The following OR2L13 variants were observed in gnomAD, a reference collection of about 807,000 sequenced individuals.
OR2L13 encodes olfactory receptor family 2 subfamily L member 13, also known as olfactory receptor 2L13.
In OR2L13, 14 loss-of-function variants were observed where a neutral mutation model predicts 15.3. The ratio of observed to expected loss-of-function variants is 0.91; its 90% CI spans 0.60 to 1.43. The LOEUF is 1.43. OR2L13 is among the 40% of genes most tolerant of loss of function. OR2L13 has a pLI of 0.00. For synonymous variants in OR2L13, 152 were observed against 142.9 expected (o/e 1.06, Z -0.45); for missense variants, 367 against 387.9 (o/e 0.95, Z 0.45).
the OR2L13 span, among the ~76,000 whole-genome samples, chr1:248,054,050 G>C: frequency 6.6e-6 from 1 of 152,136 alleles, no homozygotes; most frequent in Non-Finnish European, 1.5e-5. Flanking sequence ...CTTCCTGAAT[G>C]ATATTGCCTA....
At chr1:247,995,537 G>A in the OR2L13 span, among the ~76,000 whole-genome samples, 1 of 152,170 alleles carries the variant, frequency 6.6e-6, no homozygotes, top group Non-Finnish European at 1.5e-5. Context: ...TTGTGTTTCA[G>A]TGTGATTTTA....
At chr1:248,088,870 C>A in the OR2L13 span, among the ~76,000 whole-genome samples, 4 of 152,014 alleles carry the variant, frequency 2.6e-5, no homozygotes, top group African/African-American at 9.7e-5. Context: ...TAATGGAAAA[C>A]AAAACAAAAA....
At chr1:247,993,319 T>C in the OR2L13 span, among the ~76,000 whole-genome samples, 1 of 151,458 alleles carries the variant, frequency 6.6e-6, no homozygotes. Context: ...TTTCCTATTC[T>C]GTAGGTTGGC....
At chr1:248,002,739 T>C in the OR2L13 span, among the ~76,000 whole-genome samples, 1 of 151,694 alleles carries the variant, frequency 6.6e-6, no homozygotes, top group Non-Finnish European at 1.5e-5. Flanking sequence ...GCGCCTGTAG[T>C]CCCAGCTACT....
the OR2L13 span, among the ~76,000 whole-genome samples, chr1:248,031,602 C>T: frequency 6.6e-6 from 1 of 152,152 alleles, no homozygotes; most frequent in Non-Finnish European, 1.5e-5. Flanking sequence ...GCTGGCACCA[C>T]CGCAGGCAGA....
At chr1:248,049,043 G>T in the OR2L13 span, among the ~76,000 whole-genome samples, 3 of 150,840 alleles carry the variant, frequency 2.0e-5, no homozygotes, top group Non-Finnish European at 4.4e-5. Flanking sequence ...GAATAGCTTT[G>T]ATCAAAGGTG....
the OR2L13 span, among the ~76,000 whole-genome samples, chr1:248,090,112 C>T: frequency 6.6e-6 from 1 of 152,072 alleles, no homozygotes; most frequent in African/African-American, 2.4e-5. Flanking sequence ...CCTTGCTTGC[C>T]CCCCTGTAAT....
chr1:248,078,675 T>C, the OR2L13 span, among the ~76,000 whole-genome samples: 1 of 152,098 alleles, frequency 6.6e-6, no homozygotes, highest in Non-Finnish European at 1.5e-5. Flanking sequence ...TGAAGGTCCA[T>C]AGCTATGGAC....
chr1:248,032,460 T>C, the OR2L13 span, among the ~76,000 whole-genome samples: 1 of 152,170 alleles, frequency 6.6e-6, no homozygotes, highest in African/African-American at 2.4e-5. Flanking sequence ...ATCTCCAGAA[T>C]AGTTTCATTG....
the OR2L13 span, among the ~76,000 whole-genome samples, chr1:247,984,703 C>G: frequency 6.6e-6 from 1 of 152,132 alleles, no homozygotes; most frequent in African/African-American, 2.4e-5. Flanking sequence ...AATTTCAGTA[C>G]ATTTTAATGT....
At chr1:248,003,401 A>G in the OR2L13 span, 13 of 1,609,710 alleles carry the variant, frequency 8.1e-6, no homozygotes, top group Admixed American at 6.7e-5. Flanking sequence ...AAACAAGTCT[A>G]TCTCCTTCAC....
At chr1:247,991,242 C>T in the OR2L13 span, 2 of 1,354,332 alleles carry the variant, frequency 1.5e-6, no homozygotes, top group Admixed American at 1.8e-5. Flanking sequence ...GCGCTAGGTT[C>T]ATATCAACTC....
chr1:248,053,881 C>A, the OR2L13 span, among the ~76,000 whole-genome samples: 49 of 152,174 alleles, frequency 3.2e-4, 1 homozygote, highest in African/African-American at 1.1e-3. Context: ...GGATAGATTG[C>A]AATAATTTTC....
At chr1:248,000,645 A>C in the OR2L13 span, among the ~76,000 whole-genome samples, 1 of 151,174 alleles carries the variant, frequency 6.6e-6, no homozygotes, top group Admixed American at 6.6e-5. Flanking sequence ...ACAGGAGATT[A>C]TATGGCTGTT....
At chr1:247,959,561 T>C in the OR2L13 span, among the ~76,000 whole-genome samples, 120,665 of 151,240 alleles carry the variant, frequency 0.8, 52,335 homozygotes, top group South Asian at 0.95. Flanking sequence ...TCCATTCTCC[T>C]CGTCACTTTC....
At chr1:248,011,821 A>T in the OR2L13 span, among the ~76,000 whole-genome samples, 1 of 152,130 alleles carries the variant, frequency 6.6e-6, no homozygotes. Flanking sequence ...GTGGGCCTGT[A>T]TCAATCCTCC....
the OR2L13 span, among the ~76,000 whole-genome samples, chr1:247,954,662 G>A: frequency 6.6e-6 from 1 of 151,278 alleles, no homozygotes; most frequent in Non-Finnish European, 1.5e-5. Flanking sequence ...TTAATTGCTA[G>A]TGACTACAAA....
At chr1:248,003,466 A>T in the OR2L13 span, 2 of 1,608,694 alleles carry the variant, frequency 1.2e-6, no homozygotes, top group South Asian at 2.2e-5. Context: ...TAGAAGCGCT[A>T]CTCCTGATAT....
chr1:247,966,417 C>G, the OR2L13 span: 9 of 1,359,044 alleles, frequency 6.6e-6, no homozygotes, highest in Non-Finnish European at 9.0e-6. Context: ...GTATAGAAGT[C>G]ACAAAAACAG....
Sources: gnomAD v4.1 joint callset for allele counts (sites outside exome capture counted in the v4.1 genomes callset) on GRCh38, gnomAD v4.1.1 for gene constraint, MANE v1.5 for transcripts, NCBI Gene and HGNC (gene_info 2026-07-23, HGNC 2026-07-21) for gene names.